The following BCAS3 variants were observed in gnomAD, a reference collection of about 807,000 sequenced individuals.
BCAS3 encodes BCAS3 microtubule associated cell migration factor.
BCAS3 carries 53 observed loss-of-function variants against 116.1 expected under a neutral mutation model. The ratio of observed to expected loss-of-function variants is 0.46; its 90% CI spans 0.37 to 0.57. The LOEUF is 0.57. Ranked by LOEUF, BCAS3 falls within the 20% of genes least tolerant of loss-of-function variation. The pLI, the probability that BCAS3 is intolerant of heterozygous loss-of-function variation, is 0.00. For synonymous variants in BCAS3, 391 were observed against 408.2 expected, an observed-to-expected ratio of 0.96 and a Z score of 0.51; for missense variants, 917 against 1,165.4, an observed-to-expected ratio of 0.79 and a Z score of 3.10.
chr17:61,150,230 C>T (rs1427026385), intron 22 of BCAS3, among the ~76,000 whole-genome samples: 2 of 152,110 alleles, frequency 1.3e-5, no homozygotes, highest in African/African-American at 2.4e-5. Context: ...CAGTATGCTC[C>T]CAGACAGAAG....
At chr17:60,717,748 C>T (rs1247248987) in intron 5 of BCAS3, among the ~76,000 whole-genome samples, 2 of 152,040 alleles carry the variant, frequency 1.3e-5, no homozygotes, top group Admixed American at 6.6e-5. Context: ...CACCAGGGAC[C>T]GGTTTTGTGG....
chr17:61,120,000 G>T (rs1428755411), intron 22 of BCAS3, among the ~76,000 whole-genome samples: 1 of 151,930 alleles, frequency 6.6e-6, no homozygotes, highest in Non-Finnish European at 1.5e-5. Flanking sequence ...TTATTTACAT[G>T]AATTAACAAT....
chr17:61,355,613 T>C lies in BCAS3; in HGVS notation c.2426-12714T>C, dbSNP rs2058095854. 6.6e-6 allele frequency among the ~76,000 whole-genome samples: 1 copy of C among 152,240 alleles called. No homozygotes were observed. The highest frequency in any genetic ancestry group is 1.5e-5 in the Non-Finnish European group (1 of 68,046). ...ACAATCTTACTTCTCTCTGCCACAGTTCCTTGAACTGTACAAATTGGAACA... is the reference window on the plus strand; with the variant it reads ...ACAATCTTACTTCTCTCTGCCACAGCTCCTTGAACTGTACAAATTGGAACA... On this transcript the variant is annotated intron_variant, in intron 22 of 23. Coordinates refer to ENST00000407086, the MANE Select transcript of BCAS3 (RefSeq NM_017679.5). The surrounding 1 kb of genome is among the most constrained non-coding windows in gnomAD (Gnocchi z 4.2).
chr17:61,283,052 G>C (rs1028248749), intron 22 of BCAS3, among the ~76,000 whole-genome samples: 1 of 151,526 alleles, frequency 6.6e-6, no homozygotes, highest in African/African-American at 2.4e-5. Context: ...CTATGATGTC[G>C]TGATGTTGTA....
Position 60,993,274 on chromosome 17 carries a change from T to C in BCAS3, c.1486+3039T>C, listed in dbSNP as rs1054933816. On this transcript the variant is annotated intron_variant, in intron 15 of 23. Transcript: ENST00000407086. The surrounding 1 kb of genome is among the most constrained non-coding windows in gnomAD (Gnocchi z 4.2). ...AGTCAATGAAGGATTTCATCATTTGTGAAAGGACAGTAGTTAAAGAGCAAT... is the reference window on the plus strand; with the variant it reads ...AGTCAATGAAGGATTTCATCATTTGCGAAAGGACAGTAGTTAAAGAGCAAT... Among the ~76,000 whole-genome samples the C allele has an allele frequency of 4.6e-5, 7 of 152,228 alleles. No homozygotes were observed. The highest frequency in any genetic ancestry group is 7.3e-5 in the Non-Finnish European group (5 of 68,034).
chr17:60,992,901 A>G (rs2063619222), intron 15 of BCAS3, among the ~76,000 whole-genome samples: 1 of 152,128 alleles, frequency 6.6e-6, no homozygotes, highest in African/African-American at 2.4e-5. Flanking sequence ...TTTTCATAAC[A>G]TAAAATTTTA....
chr17:60,788,568 G>A (rs2046484961), intron 6 of BCAS3, among the ~76,000 whole-genome samples: 1 of 152,172 alleles, frequency 6.6e-6, no homozygotes, highest in South Asian at 2.1e-4. Flanking sequence ...GAGGGAAATG[G>A]CAAAGATGTC....
Position 61,390,865 on chromosome 17 carries a change from A to T in BCAS3, c.2594-1112A>T, listed in dbSNP as rs1423044496. On this transcript the variant is annotated intron_variant, in intron 23 of 23. Coordinates refer to ENST00000407086, the MANE Select transcript of BCAS3 (RefSeq NM_017679.5). The surrounding 1 kb of genome is among the most constrained non-coding windows in gnomAD (Gnocchi z 6.8). ...TTTGAGGTCCTGCACTCCTGGGTGG[A>T]CAGGCCAGACTCCTTCAGTCACAGG... The T allele has an allele frequency of 6.6e-6, 1 of 150,754 alleles. No individual in the cohort carries two copies. The highest frequency in any genetic ancestry group is 1.5e-5 in the Non-Finnish European group (1 of 68,054). The allele number at this position is 150,754 out of a possible 1,614,324, so 9.3% of individuals were successfully genotyped here. A position where few individuals can be genotyped will look rare whatever the true frequency, so the allele number is the denominator to read the frequency against.
chr17:60,975,050 G>A (rs2062231860), intron 14 of BCAS3, among the ~76,000 whole-genome samples: 1 of 148,506 alleles, frequency 6.7e-6, no homozygotes, highest in Admixed American at 6.7e-5. Context: ...GCCGGACTGC[G>A]GACTGCAGTG....
chr17:60,796,212 T>C (rs559549801), intron 6 of BCAS3, among the ~76,000 whole-genome samples: 20 of 152,208 alleles, frequency 1.3e-4, no homozygotes, highest in Non-Finnish European at 2.6e-4. Flanking sequence ...TATCCTTCCC[T>C]GGTTTTGGTA....
intron 22 of BCAS3, among the ~76,000 whole-genome samples, chr17:61,299,294 T>G (rs1382836435): frequency 2.6e-5 from 4 of 151,348 alleles, no homozygotes; most frequent in African/African-American, 9.7e-5. Context: ...ATACAAAAAA[T>G]TAGCCTGGCG....
intron 14 of BCAS3, among the ~76,000 whole-genome samples, chr17:60,974,559 A>G (rs1185241929): frequency 3.3e-5 from 5 of 152,214 alleles, no homozygotes; most frequent in Non-Finnish European, 7.3e-5. Flanking sequence ...TTACTGGACT[A>G]TGACTACAGT....
intron 22 of BCAS3, among the ~76,000 whole-genome samples, chr17:61,306,181 G>T (rs2053843559): frequency 5.9e-5 from 9 of 152,180 alleles, no homozygotes; most frequent in Admixed American, 5.2e-4. Context: ...GAAGAATGGT[G>T]TACACCTGAG....
chr17:60,718,757 GC>G (rs1247314898), intron 5 of BCAS3, among the ~76,000 whole-genome samples: 1 of 151,798 alleles, frequency 6.6e-6, no homozygotes, highest in Non-Finnish European at 1.5e-5. Context: ...TAATTTTTTT[GC>G]CCATTAAAAA....
At chr17:60,978,747 T>G (rs2145387335) in intron 14 of BCAS3, among the ~76,000 whole-genome samples, 1 of 151,008 alleles carries the variant, frequency 6.6e-6, no homozygotes, top group Non-Finnish European at 1.5e-5. Flanking sequence ...CAGCACCATT[T>G]ATTAAATAGG....
At chr17:61,262,886 T>C in intron 22 of BCAS3, among the ~76,000 whole-genome samples, 1 of 151,276 alleles carries the variant, frequency 6.6e-6, no homozygotes, top group Non-Finnish European at 1.5e-5. Flanking sequence ...GAGATGGGGT[T>C]TCTCCATGTT....
At chr17:60,724,477 C>A (rs898237172) in intron 5 of BCAS3, among the ~76,000 whole-genome samples, 7 of 148,892 alleles carry the variant, frequency 4.7e-5, no homozygotes, top group African/African-American at 1.5e-4. Flanking sequence ...GTAATCCCAG[C>A]ACTTTGGGAG....
chr17:60,858,900 T>C (rs1416490889), intron 7 of BCAS3, among the ~76,000 whole-genome samples: 1 of 152,194 alleles, frequency 6.6e-6, no homozygotes, highest in Non-Finnish European at 1.5e-5. Flanking sequence ...TAATCAAGTA[T>C]CTTTAAACAT....
intron 7 of BCAS3, among the ~76,000 whole-genome samples, chr17:60,861,354 C>A (rs905027226): frequency 6.6e-6 from 1 of 152,182 alleles, no homozygotes; most frequent in Non-Finnish European, 1.5e-5. Context: ...ATCCTGAAAC[C>A]TTGCTGGAGT....
Sources: allele counts gnomAD v4.1 joint callset (sites outside exome capture counted in the v4.1 genomes callset), GRCh38; gene constraint gnomAD v4.1.1; non-coding constraint Gnocchi (gnomAD v3.1); transcripts MANE v1.5; gene names NCBI Gene and HGNC (gene_info 2026-07-23, HGNC 2026-07-21).